Variants in WWOX observed in about 807,000 individuals in gnomAD.
The protein encoded by WWOX is WW domain containing oxidoreductase.
A neutral mutation model predicts 46.2 loss-of-function variants in WWOX; 69 were observed. The observed-to-expected ratio is 1.49, with a 90% CI of 1.23 to 1.82. The LOEUF is 1.82. Among genes scored for constraint, WWOX ranks in the 40% most tolerant of loss-of-function variants. The pLI is 0.00. For missense variants in WWOX, 919 were observed against 542.6 expected (o/e 1.69, Z -6.89); for synonymous variants, 359 against 202.6 (o/e 1.77, Z -6.56).
At position 78,753,850 on chromosome 16, in the gene WWOX, ATATATG is replaced by A. The variant is rs61569394; in HGVS notation, c.1056+321116_1056+321121del. Among the ~76,000 whole-genome samples, 597 of 87,086 alleles carry A rather than the reference ATATATG, an allele frequency of 6.9e-3. 11 individuals are homozygous for A. The highest frequency in any genetic ancestry group is 9.1e-3 in the African/African-American group (188 of 20,734). 57.1% of individuals were successfully genotyped at this position (87,086 alleles called of 152,430 possible). ...AATATATATATATATATATATATAT[ATATATG>A]TATATGTATATGTATATATAAATTT... On this transcript the variant is annotated intron_variant, in intron 8 of 8. Transcript: ENST00000566780.
rs561529451 is a variant in WWOX at position 78,242,083 on chromosome 16, C to A, written c.516+77794C>A. 3.0e-4 allele frequency among the ~76,000 whole-genome samples: 45 copies of A among 152,254 alleles called. No individual in the cohort carries two copies. In the South Asian group the frequency reaches 9.3e-3, roughly 32 times the overall value. ...TTGGTGCAGGAGCTGTTAGCCTTGC[C>A]GCCCTGCAGACTTGAAGAATTGCGA... On this transcript the variant is annotated intron_variant, in intron 5 of 8. Transcript: ENST00000566780.
intron 8 of WWOX, among the ~76,000 whole-genome samples, chr16:78,547,548 T>C (rs538078073): frequency 6.6e-6 from 1 of 152,324 alleles, no homozygotes; most frequent in South Asian, 2.1e-4. Context: ...CCTTGTGCTT[T>C]AGTCTGTCCT....
At chr16:78,319,889 C>G (rs2080431165) in intron 5 of WWOX, among the ~76,000 whole-genome samples, 1 of 152,120 alleles carries the variant, frequency 6.6e-6, no homozygotes, top group Non-Finnish European at 1.5e-5. Flanking sequence ...CTGGGAGGCA[C>G]TTTTTCCAGT....
chr16:78,875,355 G>A (rs1316329676), intron 8 of WWOX, among the ~76,000 whole-genome samples: 37 of 152,246 alleles, frequency 2.4e-4, no homozygotes. Flanking sequence ...CTAGCTTTAT[G>A]ATGCTCCCAG....
At chr16:78,502,573 G>T (rs1173197447) in intron 8 of WWOX, among the ~76,000 whole-genome samples, 1 of 152,160 alleles carries the variant, frequency 6.6e-6, no homozygotes, top group African/African-American at 2.4e-5. Flanking sequence ...CACATTTTGT[G>T]TATCCATTCA....
intron 8 of WWOX, among the ~76,000 whole-genome samples, chr16:78,556,724 T>G (rs192358322): frequency 6.6e-6 from 1 of 152,266 alleles, no homozygotes; most frequent in East Asian, 1.9e-4. Context: ...TTATTTTATT[T>G]TTATTTTTCG....
At chr16:79,046,648 C>G (rs567781776) in intron 8 of WWOX, among the ~76,000 whole-genome samples, 1 of 152,220 alleles carries the variant, frequency 6.6e-6, no homozygotes, top group East Asian at 1.9e-4. Context: ...CAGGAGGACT[C>G]CACGGTGAGC....
At chr16:78,325,268 C>T (rs555415179) in intron 5 of WWOX, among the ~76,000 whole-genome samples, 1 of 152,212 alleles carries the variant, frequency 6.6e-6, no homozygotes, top group Non-Finnish European at 1.5e-5. Context: ...CCTCTGATCA[C>T]AGGTGTTGTT....
Position 78,346,765 on chromosome 16 carries a change from T to C in WWOX, c.517-40095T>C, listed in dbSNP as rs1390664639. ...TGTTGCCCAGTCTGGAGAGCAGTGG[T>C]GTGATCTTGGTTTACTGCAACCTCT... On this transcript the variant is annotated intron_variant, in intron 5 of 8. Transcript: ENST00000566780. Among the ~76,000 whole-genome samples the C allele has an allele frequency of 1.7e-5, 2 of 120,806 alleles. 1 individual carries two copies. Among genetic ancestry groups the C allele is most frequent in the Non-Finnish European group, 4.0e-5 (2 of 50,498 alleles). The allele number at this position is 120,806 out of a possible 152,430, so 79.3% of individuals were successfully genotyped here. A position where few individuals can be genotyped will look rare whatever the true frequency, so the allele number is the denominator to read the frequency against.
At chr16:78,359,091 G>C (rs1017736503) in intron 5 of WWOX, among the ~76,000 whole-genome samples, 4 of 152,080 alleles carry the variant, frequency 2.6e-5, no homozygotes, top group African/African-American at 7.2e-5. Flanking sequence ...GATAATGCTT[G>C]AGAAAGCTTC....
intron 8 of WWOX, among the ~76,000 whole-genome samples, chr16:78,501,005 A>G (rs908077877): frequency 8.5e-5 from 13 of 152,234 alleles, no homozygotes; most frequent in Admixed American, 8.5e-4. Context: ...AATATGTTTC[A>G]CTTTGCTGGG....
At chr16:78,797,163 C>A (rs1424026197) in intron 8 of WWOX, among the ~76,000 whole-genome samples, 1 of 151,850 alleles carries the variant, frequency 6.6e-6, no homozygotes, top group Non-Finnish European at 1.5e-5. Flanking sequence ...GAAATCGTAC[C>A]TGCCCTGTCT....
intron 8 of WWOX, among the ~76,000 whole-genome samples, chr16:78,883,353 A>T (rs957913353): frequency 3.9e-5 from 6 of 152,188 alleles, no homozygotes; most frequent in Non-Finnish European, 7.3e-5. Context: ...CTGAATCAGA[A>T]AAAGGACTGT....
At chr16:78,373,034 A>T (rs970277507) in intron 5 of WWOX, among the ~76,000 whole-genome samples, 4 of 152,172 alleles carry the variant, frequency 2.6e-5, no homozygotes, top group Admixed American at 1.3e-4. Context: ...TCCAGAATCA[A>T]TTGACTTTTT....
intron 8 of WWOX, among the ~76,000 whole-genome samples, chr16:79,202,443 C>T (rs1020743696): frequency 6.6e-6 from 1 of 152,166 alleles, no homozygotes; most frequent in Non-Finnish European, 1.5e-5. Context: ...AAGAAACCTA[C>T]CTTGTGATTC....
intron 8 of WWOX, among the ~76,000 whole-genome samples, chr16:78,841,295 A>T (rs1316524710): frequency 6.6e-6 from 1 of 152,170 alleles, no homozygotes; most frequent in Non-Finnish European, 1.5e-5. Context: ...TATTTGAGTC[A>T]CCATAATGTG....
At chr16:78,341,123 A>AATCTCTTC (rs2081005662) in intron 5 of WWOX, among the ~76,000 whole-genome samples, 1 of 96,964 alleles carries the variant, frequency 1.0e-5, no homozygotes, top group African/African-American at 4.1e-5. Flanking sequence ...CAGCTCTCTT[A>AATCTCTTC]AGTCACTTCC....
chr16:78,954,631 A>G (rs1056064383), intron 8 of WWOX, among the ~76,000 whole-genome samples: 14 of 152,108 alleles, frequency 9.2e-5, no homozygotes, highest in African/African-American at 3.4e-4. Flanking sequence ...TAAGATACAG[A>G]CCTGACCTCA....
chr16:78,323,043 A>T (rs947262742), intron 5 of WWOX, among the ~76,000 whole-genome samples: 1 of 151,856 alleles, frequency 6.6e-6, no homozygotes, highest in Non-Finnish European at 1.5e-5. Context: ...CTCTGTCTCA[A>T]AAAGAAGAAA....
Sources: gnomAD v4.1 joint callset for allele counts (sites outside exome capture counted in the v4.1 genomes callset) on GRCh38, gnomAD v4.1.1 for gene constraint, MANE v1.5 for transcripts, NCBI Gene and HGNC (gene_info 2026-07-23, HGNC 2026-07-21) for gene names.